ESRRG: variants seen among roughly 807,000 people sequenced by gnomAD.
The protein encoded by ESRRG is estrogen-related receptor gamma.
ESRRG carries 13 observed loss-of-function variants against 44.0 expected under a neutral mutation model. The ratio of observed to expected loss-of-function variants is 0.30; its 90% CI spans 0.19 to 0.47. The LOEUF (loss-of-function observed/expected upper bound fraction) is 0.47, where lower values mean the gene tolerates loss of function less well. Ranked by LOEUF, ESRRG falls within the 20% of genes least tolerant of loss-of-function variation. ESRRG has a pLI of 1.00. For synonymous variants in ESRRG, 215 were observed against 214.6 expected (o/e 1.00, Z -0.02); for missense variants, 395 against 580.6 (o/e 0.68, Z 3.29).
intron 3 of ESRRG, among the ~76,000 whole-genome samples, chr1:216,626,407 A>G (rs2063194430): frequency 6.6e-6 from 1 of 152,072 alleles, no homozygotes; most frequent in Non-Finnish European, 1.5e-5. Flanking sequence ...CCATCCAAAC[A>G]CTGACAGCTT....
intron 3 of ESRRG, among the ~76,000 whole-genome samples, chr1:216,614,955 G>A (rs1032707828): frequency 3.3e-5 from 5 of 152,180 alleles, no homozygotes; most frequent in Non-Finnish European, 7.3e-5. Flanking sequence ...TAAATGAGCA[G>A]ACCTCTATGT....
intron 1 of ESRRG, among the ~76,000 whole-genome samples, chr1:217,102,892 G>T (rs991365208): frequency 1.3e-5 from 2 of 152,142 alleles, no homozygotes; most frequent in Non-Finnish European, 2.9e-5. Flanking sequence ...GTCAAAGAAG[G>T]CTAAGCACAA....
intron 2 of ESRRG, among the ~76,000 whole-genome samples, chr1:216,897,553 C>A (rs899175577): frequency 6.6e-6 from 1 of 152,094 alleles, no homozygotes; most frequent in Non-Finnish European, 1.5e-5. Flanking sequence ...GCTTTCCCTG[C>A]AAAGTACACA....
chr1:216,683,602 A>G (rs2077420032), intron 1 of ESRRG, among the ~76,000 whole-genome samples: 1 of 152,220 alleles, frequency 6.6e-6, no homozygotes, highest in African/African-American at 2.4e-5. Flanking sequence ...AAGAAAAATC[A>G]GAGCTGAAAG....
chr1:216,611,553 C>T (rs1394294827), intron 3 of ESRRG, among the ~76,000 whole-genome samples: 1 of 152,144 alleles, frequency 6.6e-6, no homozygotes. Context: ...GGAATATCTG[C>T]TGCCAATGAG....
intron 1 of ESRRG, among the ~76,000 whole-genome samples, chr1:216,692,044 C>T (rs1057342904): frequency 5.9e-5 from 9 of 152,114 alleles, no homozygotes; most frequent in Admixed American, 2.6e-4. Flanking sequence ...TAGATTACTA[C>T]TTTACTGGTT....
At chr1:216,507,236 TG>T (rs1459333109) in intron 6 of ESRRG, 53 bp from the exon 7 acceptor site, 6 of 1,254,222 alleles carry the variant, frequency 4.8e-6, no homozygotes, top group Non-Finnish European at 1.1e-6. Flanking sequence ...AGCAAACCTA[TG>T]TAGACTAGAG....
chr1:216,753,434 G>A (rs1178743979), intron 2 of ESRRG, among the ~76,000 whole-genome samples: 1 of 151,924 alleles, frequency 6.6e-6, no homozygotes, highest in African/African-American at 2.4e-5. Context: ...AACCATCAAA[G>A]GGTATTTTTA....
At chr1:216,987,597 G>C (rs11572453) in intron 1 of ESRRG, among the ~76,000 whole-genome samples, 25,584 of 152,168 alleles carry the variant, frequency 0.17, 2,874 homozygotes, top group Admixed American at 0.29. Context: ...TTGGTTAAGA[G>C]TTTGATGAAG....
At chr1:216,669,980 C>T (rs757711916) in intron 2 of ESRRG, among the ~76,000 whole-genome samples, 1 of 152,176 alleles carries the variant, frequency 6.6e-6, no homozygotes, top group African/African-American at 2.4e-5. Flanking sequence ...TGCATTCAAA[C>T]TGATAATCAC....
chr1:217,114,480 C>T (rs556208278), intron 1 of ESRRG, among the ~76,000 whole-genome samples: 2 of 151,978 alleles, frequency 1.3e-5, no homozygotes, highest in African/African-American at 4.8e-5. Context: ...AGAATGGGAG[C>T]ATTTAGGCTT....
chr1:217,088,018 C>T (rs2092187629), intron 1 of ESRRG, among the ~76,000 whole-genome samples: 1 of 151,472 alleles, frequency 6.6e-6, no homozygotes, highest in South Asian at 2.1e-4. Context: ...GGTTGGTTAA[C>T]TCATTTTGAC....
chr1:216,584,795 G>C (rs2063461379), intron 3 of ESRRG, among the ~76,000 whole-genome samples: 1 of 152,142 alleles, frequency 6.6e-6, no homozygotes, highest in Non-Finnish European at 1.5e-5. Context: ...GGGGAAAATA[G>C]AGCTCAGCTC....
At chr1:217,106,391 T>C (rs830306) in intron 1 of ESRRG, among the ~76,000 whole-genome samples, 103,420 of 135,406 alleles carry the variant, frequency 0.76, 36,204 homozygotes, top group Non-Finnish European at 0.81. Context: ...CACTCACATA[T>C]GCACACACAC....
chr1:217,017,478 CAAAAAAAAAA>C lies in ESRRG; in HGVS notation c.-106+72019_-106+72028del, dbSNP rs55820027. 1.3e-3 allele frequency among the ~76,000 whole-genome samples: 111 copies of C among 82,510 alleles called. 3 individuals carry two copies. In the South Asian group the frequency reaches 0.053, roughly 39 times the overall value. 54.1% of individuals were successfully genotyped at this position (82,510 alleles called of 152,430 possible). A position where few individuals can be genotyped will look rare whatever the true frequency, so the allele number is the denominator to read the frequency against. The stretch of plus-strand genomic sequence containing the variant: ...TAGAGAAAAGAGAATCTACATAACT[CAAAAAAAAAA>C]AAAAAAAAAAGGAGAAAACCACTCC... On this transcript the variant is annotated intron_variant, in intron 1 of 7. Transcript: ENST00000359162.
intron 5 of ESRRG, among the ~76,000 whole-genome samples, chr1:216,539,578 C>T (rs2052065163): frequency 6.6e-6 from 1 of 151,960 alleles, no homozygotes; most frequent in Admixed American, 6.6e-5. Context: ...ATATGCTGTC[C>T]TTCCTGTCCA....
intron 2 of ESRRG, among the ~76,000 whole-genome samples, chr1:216,912,186 G>GAAAAGAAAAGA (rs1560083472): frequency 1.6e-4 from 2 of 12,756 alleles, no homozygotes; most frequent in South Asian, 3.7e-3. Context: ...AAAAGAAAAG[G>GAAAAGAAAAGA]AGAGGAGAGG....
chr1:217,004,304 G>A (rs1040597948), intron 1 of ESRRG, among the ~76,000 whole-genome samples: 2 of 152,122 alleles, frequency 1.3e-5, no homozygotes, highest in African/African-American at 4.8e-5. Flanking sequence ...CAGGTGTCAA[G>A]GGCAGGGCCA....
chr1:216,851,989 T>C (rs184645213), intron 2 of ESRRG, among the ~76,000 whole-genome samples: 2 of 152,258 alleles, frequency 1.3e-5, no homozygotes, highest in Non-Finnish European at 2.9e-5. Context: ...AAAGAGCCCT[T>C]AGAAGGGACA....
Sources: allele counts gnomAD v4.1 joint callset (sites outside exome capture counted in the v4.1 genomes callset), GRCh38; gene constraint gnomAD v4.1.1; transcripts MANE v1.5; gene names NCBI Gene and HGNC (gene_info 2026-07-23, HGNC 2026-07-21).